Variants in FOXA2 observed in about 807,000 individuals in gnomAD.
FOXA2 encodes the protein forkhead box A2.
A neutral mutation model predicts 33.3 loss-of-function variants in FOXA2; 9 were observed. The observed-to-expected ratio is 0.27, with a 90% confidence interval of 0.16 to 0.47. The LOEUF (loss-of-function observed/expected upper bound fraction) is 0.47. Ranked by LOEUF, FOXA2 falls within the 20% of genes least tolerant of loss-of-function variation. The probability of loss-of-function intolerance (pLI) is 0.99; values close to 1 mark genes in which losing one functional copy is unlikely to be tolerated. For synonymous variants in FOXA2, 329 were observed against 289.4 expected, an observed-to-expected ratio of 1.14 and a Z score of -1.39; for missense variants, 704 against 659.9, an observed-to-expected ratio of 1.07 and a Z score of -0.73.
Position 22,582,416 on chromosome 20 carries a change from C to A in FOXA2, c.826G>T (p.Ala276Ser). 1 of 1,573,098 alleles carries A rather than the reference C, an allele frequency of 6.4e-7. No individual in the cohort carries two copies. Among genetic ancestry groups the A allele is most frequent in the South Asian group, 1.2e-5 (1 of 85,670 alleles). Residue 276 changes from alanine (A) to serine (S), a missense_variant, in exon 2 of 2, where the codon GCC (alanine) becomes TCC (serine). Physicochemically the swap from Ala to Ser is moderately conservative, Grantham distance 99 (BLOSUM62 1). This residue lies in a region of FOXA2 where 343 missense variants were observed against 274.8 expected (regional missense o/e 1.25). Coordinates refer to ENST00000419308, the MANE Select transcript of FOXA2 (RefSeq NM_021784.5). ...GCGGCCGCCTTCTTGCCGCTGCCGG[C>A]GGCGCCTGCGGCCTCCTTCAGCGCC... ...QLALKEAAGAAGSGKKAAAGA... is the reference protein window; with the variant it reads ...QLALKEAAGASGSGKKAAAGA...
chr20:22,584,672 T>TGGAGGAGGAGGAGGAGGAGGAGGA (rs1176408400), upstream of FOXA2, among the ~76,000 whole-genome samples: 1 of 34,406 alleles, frequency 2.9e-5, no homozygotes, highest in African/African-American at 1.2e-4. Context: ...GTGGTGGTGG[T>TGGAGGAGGAGGAGGAGGAGGAGGA]GGAGGAGGAG....
At chr20:22,585,258 A>G (rs1276952678), upstream of FOXA2, 3 of 152,234 alleles carry the variant, frequency 2.0e-5, no homozygotes, top group African/African-American at 7.2e-5. Flanking sequence ...TCCTATTTAG[A>G]AAAACTACGT....
At position 22,582,978 on chromosome 20, in the gene FOXA2, G is replaced by C. The variant is rs1405416434; in HGVS notation, c.264C>G (p.Pro88=). Residue 88 remains proline, a synonymous_variant, in exon 2 of 2, where the codon CCC becomes CCG. Transcript: ENST00000419308. ...CCATGCCCGCCATGGCGCCCGCGCCGGGGGACATCCCCGCCAGGGACGGGC... is the reference window on the plus strand; with the variant it reads ...CCATGCCCGCCATGGCGCCCGCGCCCGGGGACATCCCCGCCAGGGACGGGC... ...GMSPSLAGMS[P]GAGAMAGMGG... is the part of the protein sequence containing the mutation. The C allele has an allele frequency of 7.5e-6, 12 of 1,603,778 alleles. No individual in the cohort carries two copies. The highest frequency in any genetic ancestry group is 5.0e-5 in the Admixed American group (3 of 59,718).
Position 22,584,209 on chromosome 20 carries a change from A to G in FOXA2, c.70T>C (p.Tyr24His), listed in dbSNP as rs766193461. The change falls in exon 1 of 2, where the codon TAC becomes CAC. Residue 24 changes from tyrosine (Y) to histidine (H), a missense_variant. By Grantham distance (83) the Tyr-to-His change is moderately conservative. This residue lies in a region of FOXA2 where 304 missense variants were observed against 251.7 expected (regional missense o/e 1.21). Coordinates refer to ENST00000419308, the MANE Select transcript of FOXA2 (RefSeq NM_021784.5). ...GCGCTTACCTCGGGCTCTGCATAGT[A>G]GCTGCTCCAGTCGGACGGCTCGTGC... The part of the protein sequence containing the change: ...EGHEPSDWSS[Y>H]YAEPEGYSSV... 1 of 1,613,708 alleles carries G rather than the reference A, an allele frequency of 6.2e-7. No individual in the cohort carries two copies. The highest frequency in any genetic ancestry group is 8.5e-7 in the Non-Finnish European group (1 of 1,179,906).
In FOXA2 at chr20:22,584,509, G is replaced by A. The variant is rs1440181070; in HGVS notation, c.-231C>T. 2.3e-5 allele frequency: 12 copies of A among 530,766 alleles called. No individual in the cohort carries two copies. Among genetic ancestry groups the A allele is most frequent in the Admixed American group, 6.6e-5 (2 of 30,254 alleles). The allele number at this position is 530,766 out of a possible 1,614,324, so 32.9% of individuals were successfully genotyped here. ...CGGAGGAGGCCCAGGCCAGCGCCCC[G>A]CGGTAGGGAGCACCCGCCGCCGCCG... On this transcript the variant is annotated 5_prime_UTR_variant, in exon 1 of 2. Transcript: ENST00000419308.
Position 22,583,092 on chromosome 20 carries a change from C to T in FOXA2, c.150G>A (p.Met50Ile), listed in dbSNP as rs1984645400. The change falls in exon 2 of 2, where the codon ATG becomes ATA. Residue 50 changes from methionine to isoleucine, a missense_variant. Transcript: ENST00000419308. ...TGCCCATGGCGGCCGCCGACATGCTCATGTACGTGTTCATGCCGTTCATCC... is the reference window on the plus strand; with the variant it reads ...TGCCCATGGCGGCCGCCGACATGCTTATGTACGTGTTCATGCCGTTCATCC... ...GLGMNGMNTY[M>I]SMSAAAMGSG... 2 of 1,609,070 alleles carry T rather than the reference C, an allele frequency of 1.2e-6. No individual in the cohort carries two copies. The highest frequency in any genetic ancestry group is 2.2e-5 in the East Asian group (1 of 44,858).
At position 22,584,371 on chromosome 20, in the gene FOXA2, C is replaced by G. The variant is rs1000160923; in HGVS notation, c.-93G>C. ...AAAAAAGTCAGCCAAAGCACCGTCC[C>G]CTCCTCCCTCCCTCTCTCGCGCTCC... On this transcript the variant is annotated 5_prime_UTR_variant, in exon 1 of 2. Coordinates refer to ENST00000419308, the MANE Select transcript of FOXA2 (RefSeq NM_021784.5). 9.1e-6 allele frequency: 9 copies of G among 991,388 alleles called. No homozygotes were observed. The highest frequency in any genetic ancestry group is 1.4e-5 in the Non-Finnish European group (9 of 639,204). The allele number at this position is 991,388 out of a possible 1,614,324, so 61.4% of individuals were successfully genotyped here.
Position 22,582,368 on chromosome 20 carries a change from G to C in FOXA2, c.874C>G (p.Gln292Glu), listed in dbSNP as rs775662539. Residue 292 changes from glutamine to glutamate, a missense_variant, in exon 2 of 2, where the codon CAA (glutamine) becomes GAA (glutamate). Gln to Glu is a conservative substitution (Grantham distance 29). Transcript: ENST00000419308. ...AAAGAQASQAQLGEAAGPASE... is the reference protein window; with the variant it reads ...AAAGAQASQAELGEAAGPASE... ...GCCGGCCCGGCGGCCTCCCCGAGTT[G>C]AGCCTGTGAGGCCTGGGCTCCGGCG... The C allele has an allele frequency of 8.6e-6, 13 of 1,507,750 alleles. No homozygotes were observed. The Middle Eastern group carries it at 1.4e-3, about 168-fold the overall frequency. 93.4% of individuals were successfully genotyped at this position (1,507,750 alleles called of 1,614,324 possible). A position where few individuals can be genotyped will look rare whatever the true frequency, so the allele number is the denominator to read the frequency against.
rs1264430023 is a variant in FOXA2, at chr20:22,581,907, G to A, written c.1335C>T (p.Ala445=). The A allele has an allele frequency of 1.2e-6, 2 of 1,606,066 alleles. No homozygotes were observed. The highest frequency in any genetic ancestry group is 3.3e-5 in the Admixed American group (2 of 59,860). Residue 445 remains alanine (A), a synonymous_variant, in exon 2 of 2, where the codon GCC becomes GCT. Coordinates refer to ENST00000419308, the MANE Select transcript of FOXA2 (RefSeq NM_021784.5). ...CCCCCTGGTAGTAGGAGGTATCTGC[G>A]GCCAGGGGCGAGGCGTCCAGGCCCG... ...NKTGLDASPL[A]ADTSYYQGVY...
Position 22,582,197 on chromosome 20 carries a change from G to T in FOXA2, c.1045C>A (p.Gln349Lys), listed in dbSNP as rs1480990170. The T allele has an allele frequency of 3.2e-6, 5 of 1,549,690 alleles. No individual in the cohort carries two copies. The highest frequency in any genetic ancestry group is 3.5e-6 in the Non-Finnish European group (4 of 1,145,868). Residue 349 changes from glutamine (Q) to lysine (K), a missense_variant, in exon 2 of 2, where the codon CAG (glutamine) becomes AAG (lysine). Gln to Lys is a moderately conservative substitution (Grantham distance 53). Transcript: ENST00000419308. ...CCCAGCAGGTGGGCCGCGGCCTGCT[G>T]CTGCTGCCCGGGAGAGGGCGCCGGC... is the stretch of plus-strand genomic sequence containing the variant. ...PEPAPSPGQQ[Q>K]QAAAHLLGPP...
chr20:22,585,409 G>C (rs1003275318), upstream of FOXA2: 9 of 152,250 alleles, frequency 5.9e-5, no homozygotes, highest in African/African-American at 2.2e-4. Context: ...GGCCGCCAGG[G>C]ACCCGCAGTG....
chr20:22,582,884 C>G lies in FOXA2; in HGVS notation c.358G>C (p.Gly120Arg), dbSNP rs747926313. 3 of 1,573,930 alleles carry G rather than the reference C, an allele frequency of 1.9e-6. No homozygotes were observed. Among genetic ancestry groups the G allele is most frequent in the Admixed American group, 3.6e-5 (2 of 55,638 alleles). The change falls in exon 2 of 2, where the codon GGG becomes CGG. Residue 120 changes from glycine to arginine, a missense_variant. This residue lies in a region of FOXA2 where 304 missense variants were observed against 251.7 expected (regional missense o/e 1.21). Transcript: ENST00000419308. ...CCCATGGCCCCGGCCGCCTGCCCCC[C>G]GAGCGGGCTCAGGCTGGGACTCAAG... ...PHLSPSLSPL[G>R]GQAAGAMGGL...
In FOXA2 at chr20:22,582,282, G is replaced by A; in HGVS notation, c.960C>T (p.His320=). Reference sequence around the variant, plus strand: ...TCAGCTCTCCCAGGCCCCCTCGCTTGTGCTCCTGGCACGGGGAGGCGCTCG... The same window carrying A: ...TCAGCTCTCCCAGGCCCCCTCGCTTATGCTCCTGGCACGGGGAGGCGCTCG... The part of the protein sequence containing the change: ...PHSSASPCQE[H]KRGGLGELKG... Residue 320 remains histidine (H), a synonymous_variant, in exon 2 of 2, where the codon CAC becomes CAT. Transcript: ENST00000419308. The A allele has an allele frequency of 6.8e-7, 1 of 1,469,810 alleles. No homozygotes were observed. Among genetic ancestry groups the A allele is most frequent in the Non-Finnish European group, 8.9e-7 (1 of 1,119,394 alleles). 91.0% of individuals were successfully genotyped at this position (1,469,810 alleles called of 1,614,324 possible).
chr20:22,582,848 G>C lies in FOXA2; in HGVS notation c.394C>G (p.Pro132Ala). The C allele has an allele frequency of 6.3e-7, 1 of 1,597,018 alleles. No individual in the cohort carries two copies. Reference sequence around the variant, plus strand: ...CTCATGGAGTTCATGTTGGCGTAGGGGGCCAGGCCGCCCATGGCCCCGGCC... The same window carrying C: ...CTCATGGAGTTCATGTTGGCGTAGGCGGCCAGGCCGCCCATGGCCCCGGCC... ...QAAGAMGGLA[P>A]YANMNSMSPM... Residue 132 changes from proline (P) to alanine (A), a missense_variant, in exon 2 of 2, where the codon CCC becomes GCC. Physicochemically the swap from Pro to Ala is conservative, Grantham distance 27. Transcript: ENST00000419308.
In FOXA2 at chr20:22,584,222, G is replaced by A; in HGVS notation, c.57C>T (p.Ser19=). Residue 19 remains serine, a synonymous_variant, in exon 1 of 2, where the codon TCC becomes TCT. Transcript: ENST00000419308. ...GCTCTGCATAGTAGCTGCTCCAGTCGGACGGCTCGTGCCCTTCCATCTTCA... is the reference window on the plus strand; with the variant it reads ...GCTCTGCATAGTAGCTGCTCCAGTCAGACGGCTCGTGCCCTTCCATCTTCA... ...GAVKMEGHEP[S]DWSSYYAEPE... is the part of the protein sequence containing the mutation. 2 of 1,613,940 alleles carry A rather than the reference G, an allele frequency of 1.2e-6. No homozygotes were observed. Among genetic ancestry groups the A allele is most frequent in the East Asian group, 2.2e-5 (1 of 44,838 alleles).
At chr20:22,584,792 T>G (rs1388232475), upstream of FOXA2, among the ~76,000 whole-genome samples, 2 of 151,810 alleles carry the variant, frequency 1.3e-5, no homozygotes, top group Admixed American at 6.6e-5. Context: ...GGCGCGGGCC[T>G]CCAATCCCCA....
At position 22,580,998 on chromosome 20, in the gene FOXA2, T is replaced by G. The variant is rs1328018711; in HGVS notation, c.*852A>C. 1 of 152,192 alleles carries G rather than the reference T, an allele frequency of 6.6e-6. No individual in the cohort carries two copies. Among genetic ancestry groups the G allele is most frequent in the Non-Finnish European group, 1.5e-5 (1 of 68,036 alleles). 9.4% of individuals were successfully genotyped at this position (152,192 alleles called of 1,614,324 possible). Reference sequence around the variant, plus strand: ...TGTGCCTACTGTAAAATTCATTCAATTTTGGTATGTCTGAAAATTTTATTA... The same window carrying G: ...TGTGCCTACTGTAAAATTCATTCAAGTTTGGTATGTCTGAAAATTTTATTA... On this transcript the variant is annotated 3_prime_UTR_variant, in exon 2 of 2. Coordinates refer to ENST00000419308, the MANE Select transcript of FOXA2 (RefSeq NM_021784.5).
chr20:22,584,964 A>G (rs1482796926), upstream of FOXA2, among the ~76,000 whole-genome samples: 1 of 152,068 alleles, frequency 6.6e-6, no homozygotes, highest in African/African-American at 2.4e-5. Context: ...GCGATCGGGC[A>G]CGCGGGATCC....
At position 22,581,915 on chromosome 20, in the gene FOXA2, G is replaced by A. The variant is rs1984585353; in HGVS notation, c.1327C>T (p.Pro443Ser). 11 of 1,606,968 alleles carry A rather than the reference G, an allele frequency of 6.8e-6. No homozygotes were observed. Among genetic ancestry groups the A allele is most frequent in the Non-Finnish European group, 9.4e-6 (11 of 1,174,206 alleles). Residue 443 changes from proline to serine, a missense_variant, in exon 2 of 2, where the codon CCC becomes TCC. Coordinates refer to ENST00000419308, the MANE Select transcript of FOXA2 (RefSeq NM_021784.5). ...TAGTAGGAGGTATCTGCGGCCAGGG[G>A]CGAGGCGTCCAGGCCCGTTTTGTTC... is the stretch of plus-strand genomic sequence containing the variant. ...VTNKTGLDAS[P>S]LAADTSYYQG... is the part of the protein sequence containing the mutation.
Sources: allele counts gnomAD v4.1 joint callset (sites outside exome capture counted in the v4.1 genomes callset), GRCh38; gene constraint gnomAD v4.1.1; regional missense constraint gnomAD v4.1.1; transcripts MANE v1.5; gene names NCBI Gene and HGNC (gene_info 2026-07-23, HGNC 2026-07-21).